The following PUDP variants were observed in gnomAD, a reference collection of about 807,000 sequenced individuals.
PUDP encodes pseudouridine-5'-phosphatase.
In PUDP, 8 loss-of-function variants were observed where a neutral mutation model predicts 9.4. The ratio of observed to expected loss-of-function variants is 0.85; its 90% CI spans 0.50 to 1.53. The LOEUF is 1.53. Ranked by LOEUF, PUDP falls within the 40% of genes most tolerant of loss-of-function variation. The pLI is 0.00. For synonymous variants in PUDP, 99 were observed against 80.7 expected, an observed-to-expected ratio of 1.23 and a Z score of -1.22; for missense variants, 188 against 189.7, an observed-to-expected ratio of 0.99 and a Z score of 0.05.
chrX:6,969,658 C>T (rs1928841033), intron 3 of PUDP, among the ~76,000 whole-genome samples: 1 of 112,043 alleles, frequency 8.9e-6, no homozygotes, highest in African/African-American at 3.2e-5. Context: ...AGGAGGATCA[C>T]TTGAGGCTGG....
upstream of PUDP, among the ~76,000 whole-genome samples, chrX:6,724,736 G>C (rs774878071): frequency 1.8e-5 from 2 of 111,359 alleles, no homozygotes; most frequent in Non-Finnish European, 3.8e-5. Flanking sequence ...TAACCAGATG[G>C]CTTTTTGATC....
chrX:7,103,130 G>T (rs1931787104), intron 2 of PUDP, among the ~76,000 whole-genome samples: 3 of 111,675 alleles, frequency 2.7e-5, no homozygotes, highest in Non-Finnish European at 5.7e-5. Context: ...TCTTGAAAAA[G>T]AACAAAATCG....
chrX:6,825,994 A>T (rs959324369), intron 3 of PUDP, among the ~76,000 whole-genome samples: 30 of 111,835 alleles, frequency 2.7e-4, no homozygotes, highest in Middle Eastern at 4.6e-3. Flanking sequence ...ATACTAAGAA[A>T]TTTTTTTTAA....
At chrX:7,028,772 A>G (rs1929752858) in intron 1 of PUDP, among the ~76,000 whole-genome samples, 3 of 111,822 alleles carry the variant, frequency 2.7e-5, no homozygotes, top group South Asian at 3.8e-4. Flanking sequence ...CCGGACTGAC[A>G]TAACAAAGCG....
chrX:7,133,338 T>C (rs1932667291), intron 1 of PUDP, among the ~76,000 whole-genome samples: 1 of 109,888 alleles, frequency 9.1e-6, no homozygotes, highest in African/African-American at 3.3e-5. Flanking sequence ...TCAGAAGAGG[T>C]TTCCACAAGA....
chrX:6,957,725 A>G (rs1214564614), intron 3 of PUDP, among the ~76,000 whole-genome samples: 1 of 112,497 alleles, frequency 8.9e-6, no homozygotes, highest in Non-Finnish European at 1.9e-5. Context: ...AGAGCAGGCT[A>G]GAAAAAGTAT....
rs761596989 is a variant in PUDP at position 6,783,799 on chromosome X, C to T, written c.*248-77333G>A. Among the ~76,000 whole-genome samples, 7 of 111,450 alleles carry T rather than the reference C, an allele frequency of 6.3e-5. No homozygotes were observed. The South Asian group carries it at 2.6e-3, about 42-fold the overall frequency. On this transcript the variant is annotated intron_variant and NMD_transcript_variant, in intron 3 of 3. Transcript: ENST00000655425. ...AATTTGGCTCATGCAGTTGTAGAGG[C>T]CAAGAAGTCTCAAAATTCGCCATCT...
At chrX:6,789,953 TAG>T (rs1442416292) in intron 3 of PUDP, among the ~76,000 whole-genome samples, 1 of 86,770 alleles carries the variant, frequency 1.2e-5, no homozygotes, top group Non-Finnish European at 2.3e-5. Context: ...AGAACATAGA[TAG>T]AAAGAGATAG....
At chrX:6,980,407 G>T (rs1024782806) in intron 1 of PUDP, among the ~76,000 whole-genome samples, 1 of 110,865 alleles carries the variant, frequency 9.0e-6, no homozygotes, top group African/African-American at 3.3e-5. Flanking sequence ...AAGGGGTCTT[G>T]CTCTGTTGCC....
chrX:7,052,125 C>A (rs1410302266), intron 3 of PUDP, among the ~76,000 whole-genome samples: 1 of 109,851 alleles, frequency 9.1e-6, no homozygotes, highest in Non-Finnish European at 1.9e-5. Context: ...CTCTACCTCC[C>A]AGGCTCAAGC....
intron 3 of PUDP, among the ~76,000 whole-genome samples, chrX:6,891,315 T>C (rs1283704105): frequency 8.9e-6 from 1 of 111,939 alleles, no homozygotes; most frequent in Non-Finnish European, 1.9e-5. Context: ...TCAACTGTGC[T>C]CTATTTTCCC....
chrX:6,873,063 G>A (rs1292846602), intron 3 of PUDP, among the ~76,000 whole-genome samples: 1 of 111,577 alleles, frequency 9.0e-6, no homozygotes, highest in African/African-American at 3.3e-5. Context: ...GAGCTCCCAA[G>A]CACGAGAGAA....
chrX:6,754,542 T>C (rs1360378247), intron 3 of PUDP, among the ~76,000 whole-genome samples: 2 of 109,906 alleles, frequency 1.8e-5, no homozygotes, highest in Admixed American at 9.8e-5. Context: ...TTATAAATTA[T>C]ATCATTATAT....
At chrX:6,933,216 C>G (rs1017692129) in intron 3 of PUDP, among the ~76,000 whole-genome samples, 19 of 108,624 alleles carry the variant, frequency 1.7e-4, no homozygotes, top group Admixed American at 5.1e-4. Flanking sequence ...CCCTGAGCAG[C>G]CTAACTGGGA....
At position 6,943,673 on chromosome X, in the gene PUDP, G is replaced by A. The variant is rs189574752; in HGVS notation, c.*247+33460C>T. On this transcript the variant is annotated intron_variant and NMD_transcript_variant, in intron 3 of 3. Coordinates refer to the PUDP transcript ENST00000655425. ...TTTTTATTAATACCAGAAATATTCCGGTAGGTGTTATCTGTACTCACAATA... is the reference window on the plus strand; with the variant it reads ...TTTTTATTAATACCAGAAATATTCCAGTAGGTGTTATCTGTACTCACAATA... Among the ~76,000 whole-genome samples, 11 of 111,334 alleles carry A rather than the reference G, an allele frequency of 9.9e-5. No homozygotes were observed. The East Asian group carries it at 1.1e-3, about 11-fold the overall frequency.
intron 3 of PUDP, among the ~76,000 whole-genome samples, chrX:6,869,788 T>C (rs113738174): frequency 5.4e-5 from 6 of 110,235 alleles, no homozygotes; most frequent in African/African-American, 1.6e-4. Context: ...AGTGGAAAAA[T>C]TGAAACCCTT....
chrX:6,852,612 C>T (rs1438552012), intron 3 of PUDP, among the ~76,000 whole-genome samples: 2 of 98,149 alleles, frequency 2.0e-5, no homozygotes, highest in Non-Finnish European at 4.1e-5. Context: ...ATTCATTAAG[C>T]TCACGTCATT....
At chrX:6,785,425 A>G (rs1925630202) in intron 3 of PUDP, among the ~76,000 whole-genome samples, 1 of 112,161 alleles carries the variant, frequency 8.9e-6, no homozygotes, top group Admixed American at 9.5e-5. Flanking sequence ...TCACATTTCA[A>G]TGTTTGAACA....
chrX:6,822,694 T>C (rs1481833422), intron 3 of PUDP, among the ~76,000 whole-genome samples: 1 of 108,413 alleles, frequency 9.2e-6, no homozygotes, highest in Non-Finnish European at 1.9e-5. Context: ...CAAAGTGTTT[T>C]TTTTTTTTTT....
Sources: gnomAD v4.1 joint callset for allele counts (sites outside exome capture counted in the v4.1 genomes callset) on GRCh38, gnomAD v4.1.1 for gene constraint, MANE v1.5 for transcripts, NCBI Gene and HGNC (gene_info 2026-07-23, HGNC 2026-07-21) for gene names.